Variants in PSMA3 observed in about 807,000 individuals in gnomAD.
PSMA3 encodes proteasome 20S subunit alpha 3.
PSMA3 carries 8 observed loss-of-function variants against 40.0 expected under a neutral mutation model. The observed-to-expected ratio is 0.20, with a 90% CI of 0.12 to 0.36. The LOEUF (loss-of-function observed/expected upper bound fraction) is 0.36. Ranked by LOEUF, PSMA3 falls within the 10% of genes least tolerant of loss-of-function variation. The probability of loss-of-function intolerance (pLI) is 1.00; values close to 1 mark genes in which losing one functional copy is unlikely to be tolerated. For synonymous variants in PSMA3, 110 were observed against 100.0 expected (o/e 1.10, Z -0.59); for missense variants, 219 against 310.6 (o/e 0.70, Z 2.22).
In PSMA3 at chr14:58,263,702, T is replaced by C. The variant is rs768060406; in HGVS notation, c.478-3T>C. On this transcript the variant is annotated splice_polypyrimidine_tract_variant and splice_region_variant and intron_variant, in intron 6 of 10. Transcript: ENST00000216455. Reference sequence around the variant, plus strand: ...GTGATTATATATATTTTTTTCTAAATAGGGTTATTGGGGCTGTGCCATCGG... The same window carrying C: ...GTGATTATATATATTTTTTTCTAAACAGGGTTATTGGGGCTGTGCCATCGG... 15 of 1,610,788 alleles carry C rather than the reference T, an allele frequency of 9.3e-6. No individual in the cohort carries two copies. In the East Asian group the frequency reaches 2.9e-4, roughly 31 times the overall value.
intron 6 of PSMA3, 90 bp from the exon 7 acceptor site, chr14:58,263,615 C>T: frequency 1.0e-6 from 1 of 998,496 alleles, no homozygotes; most frequent in South Asian, 1.8e-5. Flanking sequence ...CATTTAGCAT[C>T]CTTTCACTAG....
In PSMA3 at chr14:58,244,860, T is replaced by A. The variant is rs1889839317; in HGVS notation, c.-61T>A. Reference sequence around the variant, plus strand: ...GGCCTGTTACTAGTTTGCGGCATCCTGTGGTATAGGGGAAGCGCTCCGGGC... The same window carrying A: ...GGCCTGTTACTAGTTTGCGGCATCCAGTGGTATAGGGGAAGCGCTCCGGGC... On this transcript the variant is annotated 5_prime_UTR_variant, in exon 1 of 11. Transcript: ENST00000216455. 18 of 1,613,084 alleles carry A rather than the reference T, an allele frequency of 1.1e-5. No individual in the cohort carries two copies. Among genetic ancestry groups the A allele is most frequent in the Middle Eastern group, 3.3e-4 (2 of 6,058 alleles).
intron 7 of PSMA3, among the ~76,000 whole-genome samples, chr14:58,264,091 A>G (rs956207926): frequency 2.0e-5 from 3 of 152,210 alleles, no homozygotes; most frequent in African/African-American, 7.2e-5. Flanking sequence ...TATTATCTGT[A>G]GAGTTGTGTT....
chr14:58,246,562 CT>C lies in PSMA3; in HGVS notation c.22-1187del, dbSNP rs570751929. Among the ~76,000 whole-genome samples the C allele has an allele frequency of 1.6e-3, 238 of 152,210 alleles. 1 individual carries two copies. The highest frequency in any genetic ancestry group is 3.0e-3 in the Non-Finnish European group (206 of 68,016). ...TACAGGTGCGCACCACCACGCCCAGCTAATTTTTGTATTTTTCGTAGAGATG... is the reference window on the plus strand; with the variant it reads ...TACAGGTGCGCACCACCACGCCCAGCAATTTTTGTATTTTTCGTAGAGATG... On this transcript the variant is annotated intron_variant, in intron 1 of 10. Transcript: ENST00000216455.
chr14:58,257,785 A>T lies in PSMA3; in HGVS notation c.269A>T (p.Asp90Val), dbSNP rs1267805271. 1 of 1,613,492 alleles carries T rather than the reference A, an allele frequency of 6.2e-7. No homozygotes were observed. Among genetic ancestry groups the T allele is most frequent in the Admixed American group, 1.7e-5 (1 of 60,010 alleles). The change falls in exon 4 of 11, where the codon GAC (aspartate) becomes GTC (valine). Residue 90 changes from aspartate (D) to valine (V), a missense_variant. Asp to Val is a radical substitution (Grantham distance 152). Transcript: ENST00000216455. ...GLLADARSLA[D>V]IAREEASNFR... ...TTGGCAGATGCTCGTTCTTTAGCAG[A>T]CATAGCAAGAGAAGAAGCTTCCAAC...
chr14:58,260,472 T>G (rs550182805), intron 5 of PSMA3, among the ~76,000 whole-genome samples: 1 of 152,326 alleles, frequency 6.6e-6, no homozygotes, highest in South Asian at 2.1e-4. Flanking sequence ...AATCAGCTAA[T>G]AGCCTAATTT....
chr14:58,248,792 T>C (rs1332572047), intron 2 of PSMA3, among the ~76,000 whole-genome samples: 1 of 151,146 alleles, frequency 6.6e-6, no homozygotes, highest in Admixed American at 6.6e-5. Context: ...CTGTCTCTAC[T>C]AAAAAATAAC....
chr14:58,255,177 T>G (rs1890115063), intron 3 of PSMA3, among the ~76,000 whole-genome samples: 2 of 91,886 alleles, frequency 2.2e-5, no homozygotes, highest in African/African-American at 8.7e-5. Flanking sequence ...TCCTAAAAAC[T>G]TAGTAGCCGT....
intron 6 of PSMA3, 98 bp downstream of exon 6, chr14:58,261,118 CTCAT>C (rs1387512619): frequency 1.7e-5 from 13 of 781,430 alleles, no homozygotes; most frequent in Admixed American, 2.9e-5. Context: ...TAAAAAAAAA[CTCAT>C]TCAAGGAAAG....
At chr14:58,270,241 T>G (rs1170179818) in intron 8 of PSMA3, 177 bp from the exon 9 acceptor site, 1 of 881,394 alleles carries the variant, frequency 1.1e-6, no homozygotes, top group Non-Finnish European at 1.6e-6. Flanking sequence ...TTCATTTTAT[T>G]TCAGTCCCTG....
intron 2 of PSMA3, among the ~76,000 whole-genome samples, chr14:58,250,423 A>G (rs1889985432): frequency 6.6e-6 from 1 of 152,170 alleles, no homozygotes; most frequent in Non-Finnish European, 1.5e-5. Context: ...AATGTATTCT[A>G]GCATCCAGGA....
intron 6 of PSMA3, 53 bp downstream of exon 6, chr14:58,261,073 T>C (rs1485542094): frequency 2.4e-6 from 3 of 1,233,584 alleles, no homozygotes; most frequent in Non-Finnish European, 3.6e-6. Flanking sequence ...GGTATTTCAT[T>C]AGCATTTAAG....
chr14:58,261,070 C>T, intron 6 of PSMA3, 50 bp downstream of exon 6: 5 of 1,231,680 alleles, frequency 4.1e-6, no homozygotes, highest in Non-Finnish European at 5.9e-6. Context: ...AATGGTATTT[C>T]ATTAGCATTT....
At chr14:58,271,767 A>G in intron 10 of PSMA3, 84 bp from the exon 11 acceptor site, 1 of 915,800 alleles carries the variant, frequency 1.1e-6, no homozygotes, top group African/African-American at 1.6e-5. Context: ...CACTTAATTC[A>G]GGTTGTTGTA....
intron 2 of PSMA3, among the ~76,000 whole-genome samples, chr14:58,249,806 G>A (rs577900660): frequency 9.2e-5 from 14 of 152,214 alleles, no homozygotes; most frequent in African/African-American, 3.1e-4. Flanking sequence ...GCACCCAGCC[G>A]AAGTCTTTGA....
At chr14:58,261,604 ACT>A (rs1368679692) in intron 6 of PSMA3, among the ~76,000 whole-genome samples, 1 of 152,024 alleles carries the variant, frequency 6.6e-6, no homozygotes, top group African/African-American at 2.4e-5. Context: ...TACTATAAAC[ACT>A]GTCTTAAAAC....
intron 7 of PSMA3, chr14:58,265,942 C>T (rs541207833): frequency 3.3e-5 from 5 of 152,118 alleles, no homozygotes; most frequent in African/African-American, 7.3e-5. Flanking sequence ...AAGCTGCAGG[C>T]GTAATATTGG....
chr14:58,245,210 G>A (rs1889852923), intron 1 of PSMA3: 1 of 482,400 alleles, frequency 2.1e-6, no homozygotes, highest in Non-Finnish European at 3.8e-6. Flanking sequence ...TTGGATTGCT[G>A]AGTCACTTTC....
chr14:58,249,998 T>C (rs1458187139), intron 2 of PSMA3, among the ~76,000 whole-genome samples: 2 of 151,856 alleles, frequency 1.3e-5, no homozygotes. Context: ...GCAGGTGTAT[T>C]GCTTGAGCTC....
Sources: allele counts gnomAD v4.1 joint callset (sites outside exome capture counted in the v4.1 genomes callset), GRCh38; gene constraint gnomAD v4.1.1; transcripts MANE v1.5; gene names NCBI Gene and HGNC (gene_info 2026-07-23, HGNC 2026-07-21).